The following THOP1 variants were observed in gnomAD, a reference collection of about 807,000 sequenced individuals.
THOP1 encodes thimet oligopeptidase 1, also known as thimet oligopeptidase.
A neutral mutation model predicts 71.8 loss-of-function variants in THOP1; 49 were observed. That is an observed-to-expected ratio of 0.68 (90% CI 0.54 to 0.87). The LOEUF (loss-of-function observed/expected upper bound fraction) is 0.87. Among genes scored for constraint, THOP1 ranks in the 40% least tolerant of loss-of-function variants. The probability of loss-of-function intolerance (pLI) is 0.00; values close to 1 mark genes in which losing one functional copy is unlikely to be tolerated. For synonymous variants in THOP1, 426 were observed against 421.5 expected, an observed-to-expected ratio of 1.01 and a Z score of -0.13; for missense variants, 843 against 975.6, an observed-to-expected ratio of 0.86 and a Z score of 1.81.
chr19:2,793,316 C>G (rs1915928301), intron 2 of THOP1, among the ~76,000 whole-genome samples: 1 of 152,164 alleles, frequency 6.6e-6, no homozygotes, highest in South Asian at 2.1e-4. Context: ...TGGTCACGCT[C>G]CATCTCCCCT....
At chr19:2,807,095 G>T (rs1349523035) in intron 7 of THOP1, 43 bp downstream of exon 7, 5 of 1,575,134 alleles carry the variant, frequency 3.2e-6, no homozygotes, top group Non-Finnish European at 4.3e-6. Flanking sequence ...TGTGGGGAAG[G>T]TTCTCAGGGT....
chr19:2,798,766 A>G (rs1052595467), intron 4 of THOP1, among the ~76,000 whole-genome samples: 3 of 152,176 alleles, frequency 2.0e-5, no homozygotes, highest in African/African-American at 7.2e-5. Flanking sequence ...GCGGATGAGC[A>G]TTTCTGCTCT....
At chr19:2,812,634 C>T (rs1916507667) in intron 12 of THOP1, among the ~76,000 whole-genome samples, 1 of 152,188 alleles carries the variant, frequency 6.6e-6, no homozygotes, top group Non-Finnish European at 1.5e-5. Context: ...AGCCTGCAGT[C>T]CGCGCAGGCT....
rs377289341 is a variant in THOP1 at position 2,794,819 on chromosome 19, G to A, written c.285G>A (p.Arg95=). The part of the protein sequence containing the change: ...PQHVSPSKDI[R]TASTEADKKL... ...ATGTTTCCCCCTCCAAGGACATCCG[G>A]ACAGCCAGCACAGAGGCCGACAAGA... The change falls in exon 3 of 13, where the codon CGG becomes CGA. Residue 95 remains arginine (R), a synonymous_variant. Coordinates refer to ENST00000307741, the MANE Select transcript of THOP1 (RefSeq NM_003249.5). 2.7e-5 allele frequency: 43 copies of A among 1,613,824 alleles called. No homozygotes were observed. In the African/African-American group the frequency reaches 5.2e-4, roughly 20 times the overall value.
chr19:2,810,891 C>T lies in THOP1; in HGVS notation c.1771+123C>T, dbSNP rs374005993. The T allele has an allele frequency of 7.9e-4, 1,121 of 1,410,650 alleles. 9 individuals carry two copies. In the African/African-American group the frequency reaches 0.013, roughly 16 times the overall value. The allele number at this position is 1,410,650 out of a possible 1,614,324, so 87.4% of individuals were successfully genotyped here. A position where few individuals can be genotyped will look rare whatever the true frequency, so the allele number is the denominator to read the frequency against. On this transcript the variant is annotated intron_variant, in intron 11 of 12. Coordinates refer to ENST00000307741, the MANE Select transcript of THOP1 (RefSeq NM_003249.5). ...TGCAGGAGTCCCTGCTGGGGAGCCA[C>T]GGAGCGCGTCCCAGGCTCCTCGGGG...
rs1916462853 is a variant in THOP1 at position 2,811,590 on chromosome 19, C to T, written c.1772-8C>T. 5 of 1,611,142 alleles carry T rather than the reference C, an allele frequency of 3.1e-6. No homozygotes were observed. Among genetic ancestry groups the T allele is most frequent in the African/African-American group, 2.7e-5 (2 of 74,902 alleles). On this transcript the variant is annotated splice_polypyrimidine_tract_variant and splice_region_variant and intron_variant, in intron 11 of 12. Coordinates refer to ENST00000307741, the MANE Select transcript of THOP1 (RefSeq NM_003249.5). ...TACAGCGTGAACCCTGCCATGTGTC[C>T]GCCCCAGGAACCAACATGCCTGCAA...
At position 2,806,985 on chromosome 19, in the gene THOP1, C is replaced by G; in HGVS notation, c.819C>G (p.His273Gln). The part of the protein sequence containing the change: ...RAQKSRLLGF[H>Q]THADYVLEMN... ...AGAAGTCCCGCCTGCTGGGGTTCCA[C>G]ACGCACGCCGACTATGTCCTGGAGA... The change falls in exon 7 of 13, where the codon CAC (histidine) becomes CAG (glutamine). Residue 273 changes from histidine (H) to glutamine (Q), a missense_variant. Transcript: ENST00000307741. 1 of 1,613,128 alleles carries G rather than the reference C, an allele frequency of 6.2e-7. No individual in the cohort carries two copies. The highest frequency in any genetic ancestry group is 8.5e-7 in the Non-Finnish European group (1 of 1,179,880).
chr19:2,801,458 A>G lies in THOP1; in HGVS notation c.589+1667A>G, dbSNP rs773663824. Among the ~76,000 whole-genome samples the G allele has an allele frequency of 1.1e-4, 16 of 152,068 alleles. No homozygotes were observed. The highest frequency in any genetic ancestry group is 9.8e-4 in the Admixed American group (15 of 15,270). On this transcript the variant is annotated intron_variant, in intron 5 of 12. Transcript: ENST00000307741. The surrounding 1 kb of genome is among the most constrained non-coding windows in gnomAD (Gnocchi z 5.1). ...CTCCCGTGCAGGTGGCTTGAGTCCC[A>G]TGTGGCCAGGTGACACCGTCATGCG...
At position 2,805,882 on chromosome 19, in the gene THOP1, C is replaced by T. The variant is rs901991023; in HGVS notation, c.750+706C>T. On this transcript the variant is annotated intron_variant, in intron 6 of 12. Transcript: ENST00000307741. This position sits in a 1 kb window ranked among gnomAD's most constrained non-coding sequence, Gnocchi z 6.6. ...GCGGGTGCCCATCACTGCGGGGGGA[C>T]GGGCGGGTGCCCATCACTGCGGGGG... 2.8e-4 allele frequency: 24 copies of T among 84,928 alleles called. No homozygotes were observed. Among genetic ancestry groups the T allele is most frequent in the Admixed American group, 4.0e-4 (3 of 7,464 alleles). 5.3% of individuals were successfully genotyped at this position (84,928 alleles called of 1,614,324 possible). A position where few individuals can be genotyped will look rare whatever the true frequency, so the allele number is the denominator to read the frequency against.
Position 2,795,996 on chromosome 19 carries a change from A to G in THOP1, c.379-85A>G, listed in dbSNP as rs890557155. 2.9e-6 allele frequency: 3 copies of G among 1,045,280 alleles called. No homozygotes were observed. In the Admixed American group the frequency reaches 6.0e-5, roughly 21 times the overall value. The allele number at this position is 1,045,280 out of a possible 1,614,324, so 64.8% of individuals were successfully genotyped here. A position where few individuals can be genotyped will look rare whatever the true frequency, so the allele number is the denominator to read the frequency against. On this transcript the variant is annotated intron_variant, in intron 3 of 12. Transcript: ENST00000307741. ...TGCCAAGTCACACGGGGGCCGGATG[A>G]TCAGGTTTTTAAGAAACTGCCAAAC... is the stretch of plus-strand genomic sequence containing the variant.
At chr19:2,813,089 GC>G in intron 12 of THOP1, 25 bp from the exon 13 acceptor site, 1 of 1,590,844 alleles carries the variant, frequency 6.3e-7, no homozygotes, top group Non-Finnish European at 8.6e-7. Context: ...TCCCCACCCG[GC>G]CACAGTGCCC....
chr19:2,805,181 G>A lies in THOP1; in HGVS notation c.750+5G>A. The A allele has an allele frequency of 6.2e-7, 1 of 1,610,318 alleles. No individual in the cohort carries two copies. Among genetic ancestry groups the A allele is most frequent in the Non-Finnish European group, 8.5e-7 (1 of 1,178,696 alleles). On this transcript the variant is annotated splice_donor_5th_base_variant and intron_variant, in intron 6 of 12. Transcript: ENST00000307741. This position sits in a 1 kb window ranked among gnomAD's most constrained non-coding sequence, Gnocchi z 6.6. Reference sequence around the variant, plus strand: ...TTCAACTGCCGGTGCAAGGAGGTGAGAAGGCACGGCCAGGGGGCCCCAGAA... The same window carrying A: ...TTCAACTGCCGGTGCAAGGAGGTGAAAAGGCACGGCCAGGGGGCCCCAGAA...
rs368835211 is a variant in THOP1 at position 2,810,730 on chromosome 19, G to T, written c.1733G>T (p.Arg578Leu). 2.5e-6 allele frequency: 4 copies of T among 1,598,706 alleles called. No homozygotes were observed. The highest frequency in any genetic ancestry group is 3.4e-6 in the Non-Finnish European group (4 of 1,173,534). The change falls in exon 11 of 13, where the codon CGG (arginine) becomes CTG (leucine). Residue 578 changes from arginine (R) to leucine (L), a missense_variant. Coordinates refer to ENST00000307741, the MANE Select transcript of THOP1 (RefSeq NM_003249.5). ...GCAGACCCCGCCGAGGAGTATGCGC[G>T]GCTCTGCCAGGAGATCCTCGGGGTC... ...TDADPAEEYA[R>L]LCQEILGVPA...
rs1243278535 is a variant in THOP1 at position 2,804,208 on chromosome 19, G to A, written c.590-808G>A. On this transcript the variant is annotated intron_variant, in intron 5 of 12. Coordinates refer to ENST00000307741, the MANE Select transcript of THOP1 (RefSeq NM_003249.5). The surrounding 1 kb of genome is among the most constrained non-coding windows in gnomAD (Gnocchi z 4.7). ...CCCGAGCCATGAGGTAGGAACCCCA[G>A]AGGGTTTCAGTCCGGGATGCTGCCG... Among the ~76,000 whole-genome samples the A allele has an allele frequency of 6.6e-6, 1 of 152,236 alleles. No homozygotes were observed. The highest frequency in any genetic ancestry group is 1.9e-4 in the East Asian group (1 of 5,192).
At position 2,811,594 on chromosome 19, in the gene THOP1, C is replaced by T; in HGVS notation, c.1772-4C>T. 1.2e-6 allele frequency: 2 copies of T among 1,612,088 alleles called. No homozygotes were observed. Among genetic ancestry groups the T allele is most frequent in the African/African-American group, 1.3e-5 (1 of 75,036 alleles). Reference sequence around the variant, plus strand: ...GCGTGAACCCTGCCATGTGTCCGCCCCAGGAACCAACATGCCTGCAACCTT... The same window carrying T: ...GCGTGAACCCTGCCATGTGTCCGCCTCAGGAACCAACATGCCTGCAACCTT... On this transcript the variant is annotated splice_polypyrimidine_tract_variant and splice_region_variant and intron_variant, in intron 11 of 12. Coordinates refer to ENST00000307741, the MANE Select transcript of THOP1 (RefSeq NM_003249.5).
chr19:2,800,223 T>C (rs2144768783), intron 5 of THOP1, among the ~76,000 whole-genome samples: 1 of 152,348 alleles, frequency 6.6e-6, no homozygotes, highest in African/African-American at 2.4e-5. Flanking sequence ...TCTTGCTCTG[T>C]TGCCCAGGCT....
In THOP1 at chr19:2,811,502, G is replaced by A. The variant is rs377493452; in HGVS notation, c.1772-96G>A. 1,086 of 1,488,102 alleles carry A rather than the reference G, an allele frequency of 7.3e-4. 1 individual carries two copies. The highest frequency in any genetic ancestry group is 2.0e-3 in the Middle Eastern group (11 of 5,416). The allele number at this position is 1,488,102 out of a possible 1,614,324, so 92.2% of individuals were successfully genotyped here. On this transcript the variant is annotated intron_variant, in intron 11 of 12. Transcript: ENST00000307741. Reference sequence around the variant, plus strand: ...TGATCCTCCAGCTTCTCCCTGTTCCGGGCAGGGGTCTCAGGAGTCTGGCTG... The same window carrying A: ...TGATCCTCCAGCTTCTCCCTGTTCCAGGCAGGGGTCTCAGGAGTCTGGCTG...
rs1477651458 is a variant in THOP1 at position 2,811,718 on chromosome 19, G to A, written c.1892G>A (p.Gly631Asp). The A allele has an allele frequency of 1.2e-6, 2 of 1,613,338 alleles. No homozygotes were observed. The highest frequency in any genetic ancestry group is 1.1e-5 in the South Asian group (1 of 91,072). The change falls in exon 12 of 13, where the codon GGT becomes GAT. Residue 631 changes from glycine to aspartate, a missense_variant. By Grantham distance (94) the Gly-to-Asp change is moderately conservative (BLOSUM62 -1). Transcript: ENST00000307741. Reference protein sequence around the residue: ...DMFHTRFKQEGVLNSKVGMDY... With the variant: ...DMFHTRFKQEDVLNSKVGMDY... ...TTCCACACGCGCTTCAAGCAGGAGG[G>A]TGTCCTGAACAGCAAGGTACGCGGG...
At chr19:2,812,025 A>G in intron 12 of THOP1, 1 of 1,038,768 alleles carries the variant, frequency 9.6e-7, no homozygotes, top group Non-Finnish European at 1.3e-6. Context: ...TGGGCCCTGC[A>G]GGAAGCTCCA....
Sources: gnomAD v4.1 joint callset for allele counts (sites outside exome capture counted in the v4.1 genomes callset) on GRCh38, gnomAD v4.1.1 for gene constraint, Gnocchi (gnomAD v3.1) non-coding constraint, MANE v1.5 for transcripts, NCBI Gene and HGNC (gene_info 2026-07-23, HGNC 2026-07-21) for gene names.